ATXN1: variants seen among roughly 807,000 people sequenced by gnomAD.
ATXN1 encodes ataxin-1.
Under a neutral mutation model 56.4 loss-of-function variants are expected in ATXN1, and 8 were observed. That is an observed-to-expected ratio of 0.14 (90% confidence interval 0.08 to 0.26). ATXN1 has a LOEUF of 0.26. Ranked by LOEUF, ATXN1 falls within the 10% of genes least tolerant of loss-of-function variation. The pLI, the probability that ATXN1 is intolerant of heterozygous loss-of-function variation, is 1.00. For synonymous variants in ATXN1, 514 were observed against 494.6 expected, an observed-to-expected ratio of 1.04 and a Z score of -0.52; for missense variants, 987 against 1,106.5, an observed-to-expected ratio of 0.89 and a Z score of 1.53.
chr6:16,593,143 T>C (rs995492313), intron 3 of ATXN1, among the ~76,000 whole-genome samples: 9 of 152,146 alleles, frequency 5.9e-5, no homozygotes, highest in Non-Finnish European at 1.3e-4. Flanking sequence ...CTGCATTTTA[T>C]AATACCCTTG....
At chr6:16,648,878 C>T (rs1763846451) in intron 3 of ATXN1, among the ~76,000 whole-genome samples, 1 of 152,048 alleles carries the variant, frequency 6.6e-6, no homozygotes, top group Non-Finnish European at 1.5e-5. Context: ...AATGACAAAT[C>T]TCAAACTGAA....
chr6:16,543,495 T>C (rs948671020), intron 4 of ATXN1, among the ~76,000 whole-genome samples: 3 of 152,030 alleles, frequency 2.0e-5, no homozygotes, highest in African/African-American at 7.2e-5. Context: ...CAGGAAAGTA[T>C]GCCAAGAGAA....
intron 3 of ATXN1, among the ~76,000 whole-genome samples, chr6:16,604,148 G>A (rs565565568): frequency 3.3e-5 from 5 of 152,006 alleles, no homozygotes; most frequent in Admixed American, 6.5e-5. Flanking sequence ...GGGAGAAAAC[G>A]ATGGAAAGCA....
At chr6:16,757,103 T>C (rs779577646) in intron 1 of ATXN1, among the ~76,000 whole-genome samples, 17 of 152,242 alleles carry the variant, frequency 1.1e-4, no homozygotes, top group Non-Finnish European at 2.2e-4. Context: ...CTTAGGTATG[T>C]TGAAACTTAC....
chr6:16,327,940 G>T lies in ATXN1; in HGVS notation c.371C>A (p.Pro124Gln). 10 of 1,612,090 alleles carry T rather than the reference G, an allele frequency of 6.2e-6. No homozygotes were observed. The highest frequency in any genetic ancestry group is 8.5e-6 in the Non-Finnish European group (10 of 1,179,928). Residue 124 changes from proline to glutamine, a missense_variant, in exon 7 of 8, where the codon CCG becomes CAG. By Grantham distance (76) the Pro-to-Gln change is moderately conservative (BLOSUM62 -1). Coordinates refer to ENST00000436367, the MANE Select transcript of ATXN1 (RefSeq NM_001128164.2). ...GGACCCAATGAACTGGAAGGTGTGC[G>T]GCAGGTGAGCGTACTGCACGGGGGA... The part of the protein sequence containing the change: ...PVSPVQYAHL[P>Q]HTFQFIGSSQ...
chr6:16,316,970 C>CCTAACAGG (rs1485357805), intron 7 of ATXN1, among the ~76,000 whole-genome samples: 13 of 147,960 alleles, frequency 8.8e-5, no homozygotes, highest in African/African-American at 3.3e-4. Flanking sequence ...GGCTTTACCG[C>CCTAACAGG]CTAACAGGCA....
intron 6 of ATXN1, among the ~76,000 whole-genome samples, chr6:16,421,663 G>T (rs1302088180): frequency 7.1e-6 from 1 of 141,566 alleles, no homozygotes; most frequent in Admixed American, 6.9e-5. Flanking sequence ...GGTGGGGGGG[G>T]CGTGAGTGTG....
chr6:16,399,004 A>T (rs1758511618), intron 6 of ATXN1, among the ~76,000 whole-genome samples: 1 of 152,252 alleles, frequency 6.6e-6, no homozygotes, highest in South Asian at 2.1e-4. Context: ...ATTCCATTAA[A>T]CATGCCTCCG....
intron 3 of ATXN1, among the ~76,000 whole-genome samples, chr6:16,601,188 A>T (rs1402145644): frequency 1.3e-5 from 2 of 152,234 alleles, no homozygotes; most frequent in Non-Finnish European, 2.9e-5. Flanking sequence ...GCACGTCCCA[A>T]CGTGGCAGTG....
Position 16,327,981 on chromosome 6 carries a change from C to T in ATXN1, c.330G>A (p.Gln110=). Residue 110 remains glutamine (Q), a synonymous_variant, in exon 7 of 8, where the codon CAG becomes CAA. Coordinates refer to ENST00000436367, the MANE Select transcript of ATXN1 (RefSeq NM_001128164.2). ...TTLPAAYATP[Q]PGTPVSPVQY... is the part of the protein sequence containing the mutation. ...GCACGGGGGACACCGGGGTCCCTGG[C>T]TGCGGGGTGGCGTACGCGGCAGGCA... 1 of 1,613,518 alleles carries T rather than the reference C, an allele frequency of 6.2e-7. No homozygotes were observed. The highest frequency in any genetic ancestry group is 8.5e-7 in the Non-Finnish European group (1 of 1,179,750).
chr6:16,488,423 T>C (rs553534938), intron 5 of ATXN1, among the ~76,000 whole-genome samples: 14 of 152,366 alleles, frequency 9.2e-5, no homozygotes, highest in African/African-American at 2.9e-4. Context: ...ACAGCTTTTA[T>C]GCCCACCGTT....
rs147914484 is a variant in ATXN1, at chr6:16,466,256, T to A, written c.-161+19716A>T. 5.7e-5 allele frequency among the ~76,000 whole-genome samples: 8 copies of A among 139,612 alleles called. No homozygotes were observed. In the East Asian group the frequency reaches 1.4e-3, roughly 25 times the overall value. The allele number at this position is 139,612 out of a possible 152,430, so 91.6% of individuals were successfully genotyped here. ...CTTGTACCCAGGCGGGGGCAGAGAT[T>A]GCAGTGAGCCGAGATTGCGCCACTG... On this transcript the variant is annotated intron_variant, in intron 6 of 7. Coordinates refer to ENST00000436367, the MANE Select transcript of ATXN1 (RefSeq NM_001128164.2).
At chr6:16,571,546 C>T (rs747309150) in intron 4 of ATXN1, among the ~76,000 whole-genome samples, 2 of 152,040 alleles carry the variant, frequency 1.3e-5, no homozygotes, top group Non-Finnish European at 2.9e-5. Flanking sequence ...GACTGGTGTG[C>T]AGTGGTGCAA....
intron 2 of ATXN1, among the ~76,000 whole-genome samples, chr6:16,699,776 A>G (rs781302215): frequency 2.1e-4 from 32 of 152,232 alleles, no homozygotes; most frequent in Non-Finnish European, 3.7e-4. Context: ...ATTCTGAGTA[A>G]GAATCAACTG....
intron 6 of ATXN1, among the ~76,000 whole-genome samples, chr6:16,395,959 G>A (rs1221681282): frequency 7.0e-6 from 1 of 141,976 alleles, no homozygotes; most frequent in East Asian, 2.3e-4. Context: ...AGGTTGCAGT[G>A]AGCTGAGATT....
chr6:16,337,434 T>C (rs1163316922), intron 6 of ATXN1, among the ~76,000 whole-genome samples: 3 of 152,210 alleles, frequency 2.0e-5, no homozygotes, highest in Admixed American at 1.3e-4. Flanking sequence ...AGAAGCCGGC[T>C]CACATGGAAA....
chr6:16,513,647 C>T (rs770585288), intron 5 of ATXN1, among the ~76,000 whole-genome samples: 4 of 152,250 alleles, frequency 2.6e-5, no homozygotes, highest in South Asian at 4.1e-4. Context: ...AAGAGCGTCA[C>T]GTGTCTTCCA....
At chr6:16,641,834 T>C (rs1426607695) in intron 3 of ATXN1, among the ~76,000 whole-genome samples, 5 of 152,242 alleles carry the variant, frequency 3.3e-5, no homozygotes, top group Admixed American at 2.6e-4. Context: ...TTCACCATTG[T>C]AGATGTCATT....
At chr6:16,421,177 TA>T (rs200923361) in intron 6 of ATXN1, among the ~76,000 whole-genome samples, 3,375 of 152,304 alleles carry the variant, frequency 0.022, 53 homozygotes, top group Non-Finnish European at 0.036. Context: ...ATGAGCTTTT[TA>T]AAAACAGTTG....
Sources: allele counts gnomAD v4.1 joint callset (sites outside exome capture counted in the v4.1 genomes callset), GRCh38; gene constraint gnomAD v4.1.1; transcripts MANE v1.5; gene names NCBI Gene and HGNC (gene_info 2026-07-23, HGNC 2026-07-21).